The following PRKCZ variants were observed in gnomAD, a reference collection of about 807,000 sequenced individuals.
The protein encoded by PRKCZ is protein kinase C zeta.
A neutral mutation model predicts 79.5 loss-of-function variants in PRKCZ; 33 were observed. The ratio of observed to expected loss-of-function variants is 0.41; its 90% CI spans 0.31 to 0.55. The LOEUF (loss-of-function observed/expected upper bound fraction) is 0.55, where lower values mean the gene tolerates loss of function less well. Ranked by LOEUF, PRKCZ falls within the 20% of genes least tolerant of loss-of-function variation. The pLI, the probability that PRKCZ is intolerant of heterozygous loss-of-function variation, is 0.19. For missense variants in PRKCZ, 578 were observed against 813.5 expected (o/e 0.71, Z 3.52); for synonymous variants, 342 against 320.9 (o/e 1.07, Z -0.70).
At chr1:2,166,279 G>A (rs745398115) in intron 10 of PRKCZ, among the ~76,000 whole-genome samples, 13 of 152,092 alleles carry the variant, frequency 8.5e-5, no homozygotes, top group Admixed American at 6.5e-5. Flanking sequence ...ATTAGCTGGC[G>A]GTGGTGGTGC....
intron 5 of PRKCZ, chr1:2,140,993 G>A (rs1214802421): frequency 2.0e-5 from 3 of 152,340 alleles, no homozygotes; most frequent in Non-Finnish European, 4.4e-5. Context: ...TATGAGCAAG[G>A]AACAAGTTGG....
chr1:2,051,454 G>A (rs912583817), intron 1 of PRKCZ, among the ~76,000 whole-genome samples: 4 of 152,346 alleles, frequency 2.6e-5, no homozygotes, highest in South Asian at 4.1e-4. Flanking sequence ...GGGAGGACCC[G>A]TGGGTTTGTT....
At chr1:2,062,799 A>T (rs1479532232) in intron 4 of PRKCZ, among the ~76,000 whole-genome samples, 1 of 151,366 alleles carries the variant, frequency 6.6e-6, no homozygotes, top group Non-Finnish European at 1.5e-5. Context: ...CATCTTAGCC[A>T]TTAAAATTTA....
At chr1:2,157,619 G>A (rs1357206060) in intron 10 of PRKCZ, among the ~76,000 whole-genome samples, 3 of 151,612 alleles carry the variant, frequency 2.0e-5, no homozygotes, top group African/African-American at 4.9e-5. Context: ...TTGGCCAGGC[G>A]GGTCTCGAAC....
rs527432168 is a variant in PRKCZ, at chr1:2,166,681, C to G, written c.975-2837C>G. The stretch of plus-strand genomic sequence containing the variant: ...ACACGGAGGGGCAGCCTCAGCCCCC[C>G]CCAGGCCACGACATGGCGAGTGTGG... On this transcript the variant is annotated intron_variant, in intron 10 of 17. Coordinates refer to ENST00000378567, the MANE Select transcript of PRKCZ (RefSeq NM_002744.6). Among the ~76,000 whole-genome samples, 179 of 151,880 alleles carry G rather than the reference C, an allele frequency of 1.2e-3. 1 individual carries two copies. The highest frequency in any genetic ancestry group is 6.8e-3 in the Middle Eastern group (2 of 294).
intron 5 of PRKCZ, chr1:2,141,760 G>A: frequency 5.5e-6 from 1 of 181,588 alleles, no homozygotes; most frequent in Non-Finnish European, 1.2e-5. Flanking sequence ...AACACATTAG[G>A]CACATTATAC....
At chr1:2,136,069 G>A (rs936233897) in intron 5 of PRKCZ, among the ~76,000 whole-genome samples, 1 of 152,130 alleles carries the variant, frequency 6.6e-6, no homozygotes, top group African/African-American at 2.4e-5. Context: ...TCACAGGAGC[G>A]GTGGCCCTGG....
intron 4 of PRKCZ, among the ~76,000 whole-genome samples, chr1:2,099,755 A>G (rs1021910871): frequency 2.0e-5 from 3 of 151,920 alleles, no homozygotes; most frequent in Non-Finnish European, 2.9e-5. Flanking sequence ...ACATTTCATG[A>G]CTCTTTAAGG....
chr1:2,050,833 C>G, intron 1 of PRKCZ, 132 bp downstream of exon 1: 1 of 535,430 alleles, frequency 1.9e-6, no homozygotes, highest in Admixed American at 4.5e-5. Flanking sequence ...GGGGCTGTCG[C>G]GGGAGGTCCT....
chr1:2,153,634 G>A (rs1680344603), intron 9 of PRKCZ, among the ~76,000 whole-genome samples: 1 of 152,246 alleles, frequency 6.6e-6, no homozygotes, highest in African/African-American at 2.4e-5. Context: ...CTGCTGGCCA[G>A]CGGCAGCACA....
intron 1 of PRKCZ, among the ~76,000 whole-genome samples, chr1:2,053,489 G>A (rs761169247): frequency 2.0e-5 from 3 of 152,134 alleles, no homozygotes; most frequent in Non-Finnish European, 4.4e-5. Flanking sequence ...AGTCTCTCCC[G>A]GGCGGCCCAG....
At chr1:2,067,532 G>A (rs1388475852) in intron 4 of PRKCZ, among the ~76,000 whole-genome samples, 1 of 152,186 alleles carries the variant, frequency 6.6e-6, no homozygotes, top group Non-Finnish European at 1.5e-5. Flanking sequence ...ATCTGTGGCG[G>A]CCTCAGTGGT....
intron 3 of PRKCZ, among the ~76,000 whole-genome samples, chr1:2,057,131 G>A (rs1660242383): frequency 6.6e-6 from 1 of 152,214 alleles, no homozygotes; most frequent in Non-Finnish European, 1.5e-5. Flanking sequence ...CGGCGCATGT[G>A]GACAGAGGGG....
chr1:2,100,013 C>T (rs958812005), intron 4 of PRKCZ, among the ~76,000 whole-genome samples: 2 of 152,118 alleles, frequency 1.3e-5, no homozygotes, highest in South Asian at 2.1e-4. Context: ...TTGTTGAAAC[C>T]GGAAGCCATT....
intron 6 of PRKCZ, chr1:2,144,687 A>G: frequency 9.6e-7 from 1 of 1,040,092 alleles, no homozygotes; most frequent in Non-Finnish European, 1.2e-6. Context: ...GCCAGGTCTG[A>G]CCTAGTAGCA....
At chr1:2,050,872 G>T in intron 1 of PRKCZ, 171 bp downstream of exon 1, 1 of 414,366 alleles carries the variant, frequency 2.4e-6, no homozygotes. Context: ...GTCACCCGCG[G>T]ACACGTCGTG....
intron 4 of PRKCZ, among the ~76,000 whole-genome samples, chr1:2,083,853 T>C (rs1664023053): frequency 6.6e-6 from 1 of 152,226 alleles, no homozygotes; most frequent in African/African-American, 2.4e-5. Context: ...GAAACTGTAT[T>C]GGTGTCACTT....
chr1:2,098,442 A>G (rs1666907662), intron 4 of PRKCZ: 2 of 152,176 alleles, frequency 1.3e-5, no homozygotes, highest in Admixed American at 1.3e-4. Flanking sequence ...CCCCAGCTTC[A>G]GCTCTTCGAG....
Position 2,164,017 on chromosome 1 carries a change from G to A in PRKCZ, c.975-5501G>A, listed in dbSNP as rs1253797892. On this transcript the variant is annotated intron_variant, in intron 10 of 17. Coordinates refer to ENST00000378567, the MANE Select transcript of PRKCZ (RefSeq NM_002744.6). ...GCCTCCTGGAATGAATGGTGTCATC[G>A]TAATGTAGCTGCTGGTATTGAACCA... 4.6e-5 allele frequency among the ~76,000 whole-genome samples: 7 copies of A among 152,314 alleles called. No homozygotes were observed. In the South Asian group the frequency reaches 1.0e-3, roughly 23 times the overall value.
Sources: gnomAD v4.1 joint callset for allele counts (sites outside exome capture counted in the v4.1 genomes callset) on GRCh38, gnomAD v4.1.1 for gene constraint, MANE v1.5 for transcripts, NCBI Gene and HGNC (gene_info 2026-07-23, HGNC 2026-07-21) for gene names.